The following AIG1 variants were observed in gnomAD, a reference collection of about 807,000 sequenced individuals.
The protein encoded by AIG1 is androgen induced 1, also known as androgen-induced gene 1 protein.
In AIG1, 23 loss-of-function variants were observed where a neutral mutation model predicts 31.4. That is an observed-to-expected ratio of 0.73 (90% CI 0.53 to 1.04). The LOEUF (loss-of-function observed/expected upper bound fraction) is 1.04. AIG1 is among the 50% of genes least tolerant of loss of function. The probability of loss-of-function intolerance (pLI) is 0.00; values close to 1 mark genes in which losing one functional copy is unlikely to be tolerated. For synonymous variants in AIG1, 100 were observed against 110.5 expected (o/e 0.90, Z 0.60); for missense variants, 274 against 295.0 (o/e 0.93, Z 0.52).
chr6:143,061,269 C>G, intron 1 of AIG1: 1 of 713,484 alleles, frequency 1.4e-6, no homozygotes, highest in Non-Finnish European at 2.6e-6. Flanking sequence ...AACCACTCAC[C>G]GTTACCTGGT....
At chr6:143,126,982 A>G (rs1418174821) in intron 1 of AIG1, among the ~76,000 whole-genome samples, 3 of 151,834 alleles carry the variant, frequency 2.0e-5, no homozygotes, top group Admixed American at 1.3e-4. Flanking sequence ...TATAGTCCCA[A>G]GTAGGGGAGA....
At chr6:143,203,331 A>G (rs113924616) in intron 3 of AIG1, among the ~76,000 whole-genome samples, 141 of 152,296 alleles carry the variant, frequency 9.3e-4, no homozygotes, top group African/African-American at 3.2e-3. Flanking sequence ...GTACTGTTCT[A>G]TACTCTACTA....
In AIG1 at chr6:143,298,863, T is replaced by A. The variant is rs910178519; in HGVS notation, c.515+14638T>A. 10 of 152,224 alleles carry A rather than the reference T, an allele frequency of 6.6e-5. No homozygotes were observed. Among genetic ancestry groups the A allele is most frequent in the Non-Finnish European group, 1.5e-5 (1 of 68,034 alleles). The allele number at this position is 152,224 out of a possible 1,614,324, so 9.4% of individuals were successfully genotyped here. A position where few individuals can be genotyped will look rare whatever the true frequency, so the allele number is the denominator to read the frequency against. ...CAGTCGCTAGCCACAGTATGTGCAC[T>A]CAGAAGAAGGGAAATCTTAATTTTT... is the stretch of plus-strand genomic sequence containing the variant. On this transcript the variant is annotated intron_variant, in intron 4 of 5. Transcript: ENST00000357847. The surrounding 1 kb of genome is among the most constrained non-coding windows in gnomAD (Gnocchi z 5.1).
chr6:143,258,428 A>G lies in AIG1; in HGVS notation c.400-25682A>G, dbSNP rs1236362897. ...GATTCCAATGCAAAAATTTCTTCTT[A>G]GCCACTGCTAACACTAAAGAGAGCA... On this transcript the variant is annotated intron_variant, in intron 3 of 5. Coordinates refer to ENST00000357847, the MANE Select transcript of AIG1 (RefSeq NM_016108.4). The surrounding 1 kb of genome is among the most constrained non-coding windows in gnomAD (Gnocchi z 4.7). 6.6e-6 allele frequency among the ~76,000 whole-genome samples: 1 copy of G among 152,266 alleles called. No individual in the cohort carries two copies. The highest frequency in any genetic ancestry group is 1.9e-4 in the East Asian group (1 of 5,208).
chr6:143,190,405 A>G, intron 3 of AIG1: 1 of 985,274 alleles, frequency 1.0e-6, no homozygotes, highest in African/African-American at 1.7e-5. Flanking sequence ...TCCTGGTGAT[A>G]TTTTCCATTT....
chr6:143,108,655 G>T (rs1425282755), intron 1 of AIG1, among the ~76,000 whole-genome samples: 1 of 152,094 alleles, frequency 6.6e-6, no homozygotes. Context: ...CATATATGTG[G>T]GATGCATGTA....
At chr6:143,144,318 G>T (rs1784537710) in intron 2 of AIG1, among the ~76,000 whole-genome samples, 1 of 152,224 alleles carries the variant, frequency 6.6e-6, no homozygotes, top group Non-Finnish European at 1.5e-5. Context: ...AGTACTGAGT[G>T]CTAAGAGTCA....
chr6:143,105,726 G>A (rs958976920), intron 1 of AIG1, among the ~76,000 whole-genome samples: 1 of 152,270 alleles, frequency 6.6e-6, no homozygotes, highest in Non-Finnish European at 1.5e-5. Flanking sequence ...TGCTTTGAAA[G>A]TTAAGAACAA....
intron 1 of AIG1, among the ~76,000 whole-genome samples, chr6:143,064,784 A>G (rs1039453246): frequency 6.6e-6 from 1 of 152,248 alleles, no homozygotes; most frequent in African/African-American, 2.4e-5. Context: ...ACAGTGGGCA[A>G]TATGAGGATT....
At chr6:143,090,548 C>T (rs1383426015) in intron 1 of AIG1, among the ~76,000 whole-genome samples, 1 of 152,082 alleles carries the variant, frequency 6.6e-6, no homozygotes, top group Non-Finnish European at 1.5e-5. Context: ...GTGAATATTG[C>T]AATAAAGTGA....
chr6:143,177,806 C>G (rs752241856), intron 3 of AIG1, among the ~76,000 whole-genome samples: 1 of 152,198 alleles, frequency 6.6e-6, no homozygotes, highest in Non-Finnish European at 1.5e-5. Flanking sequence ...CAGCCCTGGA[C>G]AGCTGGTCCT....
chr6:143,249,863 T>A (rs1485272401), intron 3 of AIG1, among the ~76,000 whole-genome samples: 3 of 152,214 alleles, frequency 2.0e-5, no homozygotes, highest in African/African-American at 7.2e-5. Context: ...CCATTGGGCA[T>A]GTAGTGAATC....
chr6:143,165,949 C>T (rs1786895301), intron 3 of AIG1, among the ~76,000 whole-genome samples: 1 of 152,106 alleles, frequency 6.6e-6, no homozygotes, highest in Non-Finnish European at 1.5e-5. Context: ...AAGAAGCATG[C>T]ATTTTGGTTA....
intron 1 of AIG1, among the ~76,000 whole-genome samples, chr6:143,083,173 G>A (rs894307626): frequency 6.6e-5 from 10 of 152,208 alleles, no homozygotes; most frequent in Admixed American, 6.5e-4. Flanking sequence ...CCTTTGGTTT[G>A]GAAACCTTGT....
In AIG1 at chr6:143,297,113, G is replaced by T. The variant is rs191733542; in HGVS notation, c.515+12888G>T. ...TTGCAAGAGGAAAATAGAGTCTACGGAAGGTTCTCTAACCCAGACTTAGAG... is the reference window on the plus strand; with the variant it reads ...TTGCAAGAGGAAAATAGAGTCTACGTAAGGTTCTCTAACCCAGACTTAGAG... On this transcript the variant is annotated intron_variant, in intron 4 of 5. Coordinates refer to ENST00000357847, the MANE Select transcript of AIG1 (RefSeq NM_016108.4). The surrounding 1 kb of genome is among the most constrained non-coding windows in gnomAD (Gnocchi z 5.1). 1.2e-3 allele frequency among the ~76,000 whole-genome samples: 181 copies of T among 152,298 alleles called. No individual in the cohort carries two copies. The highest frequency in any genetic ancestry group is 4.2e-3 in the African/African-American group (176 of 41,562).
chr6:143,174,890 TTG>T (rs1179136695), intron 3 of AIG1, among the ~76,000 whole-genome samples: 1 of 152,226 alleles, frequency 6.6e-6, no homozygotes, highest in Admixed American at 6.5e-5. Context: ...CATTGTGTTA[TTG>T]TTTTATAGGT....
chr6:143,142,847 A>G (rs1241431994), intron 2 of AIG1, among the ~76,000 whole-genome samples: 1 of 152,198 alleles, frequency 6.6e-6, no homozygotes, highest in African/African-American at 2.4e-5. Context: ...AAACATGGAA[A>G]ATGGATTTAA....
At chr6:143,064,427 T>G (rs1776514846) in intron 1 of AIG1, among the ~76,000 whole-genome samples, 1 of 152,106 alleles carries the variant, frequency 6.6e-6, no homozygotes, top group Non-Finnish European at 1.5e-5. Context: ...GACAAAAAAA[T>G]GGTTTTCCTC....
chr6:143,308,464 G>A (rs1227680733), intron 4 of AIG1, among the ~76,000 whole-genome samples: 2 of 152,172 alleles, frequency 1.3e-5, no homozygotes, highest in African/African-American at 4.8e-5. Context: ...CTCAACACCT[G>A]GGCTTGCTCA....
Sources: gnomAD v4.1 joint callset for allele counts (sites outside exome capture counted in the v4.1 genomes callset) on GRCh38, gnomAD v4.1.1 for gene constraint, Gnocchi (gnomAD v3.1) non-coding constraint, MANE v1.5 for transcripts, NCBI Gene and HGNC (gene_info 2026-07-23, HGNC 2026-07-21) for gene names.